Variants in TAFA1 observed in about 807,000 individuals in gnomAD.
TAFA1 encodes TAFA chemokine like family member 1, also known as chemokine-like protein TAFA-1.
TAFA1 carries 4 observed loss-of-function variants against 18.5 expected under a neutral mutation model. The observed-to-expected ratio is 0.22, with a 90% CI of 0.11 to 0.49. The LOEUF (loss-of-function observed/expected upper bound fraction) is 0.49. Among genes scored for constraint, TAFA1 ranks in the 20% least tolerant of loss-of-function variants. The pLI is 0.98. For missense variants in TAFA1, 147 were observed against 169.0 expected (o/e 0.87, Z 0.72); for synonymous variants, 56 against 55.2 (o/e 1.01, Z -0.06).
At chr3:68,380,021 G>C (rs1489738674) in intron 2 of TAFA1, among the ~76,000 whole-genome samples, 3 of 151,804 alleles carry the variant, frequency 2.0e-5, no homozygotes, top group African/African-American at 7.3e-5. Flanking sequence ...GCGGTGTTTG[G>C]TTTTTCGTCC....
At chr3:68,394,056 A>G (rs1322988069) in intron 2 of TAFA1, among the ~76,000 whole-genome samples, 2 of 151,962 alleles carry the variant, frequency 1.3e-5, no homozygotes, top group African/African-American at 4.8e-5. Flanking sequence ...AGAAAACCAC[A>G]TCGTCTCAAT....
chr3:68,211,610 T>G (rs111801036), intron 2 of TAFA1, among the ~76,000 whole-genome samples: 19,792 of 152,020 alleles, frequency 0.13, 1,462 homozygotes, highest in African/African-American at 0.2. Flanking sequence ...TACTTGAGAC[T>G]GGGTAATTTA....
intron 2 of TAFA1, among the ~76,000 whole-genome samples, chr3:68,266,184 C>G (rs752454905): frequency 6.6e-6 from 1 of 152,144 alleles, no homozygotes; most frequent in Non-Finnish European, 1.5e-5. Context: ...TCATCTTTCT[C>G]ATGTAGCGCG....
chr3:68,449,212 G>A (rs770414916), intron 3 of TAFA1, among the ~76,000 whole-genome samples: 8 of 152,192 alleles, frequency 5.3e-5, no homozygotes, highest in Non-Finnish European at 1.5e-5. Flanking sequence ...TGAGGGTTGA[G>A]TAGGAATTAG....
chr3:68,000,217 A>G (rs1213233705), upstream of TAFA1, among the ~76,000 whole-genome samples: 1 of 152,220 alleles, frequency 6.6e-6, no homozygotes, highest in African/African-American at 2.4e-5. Flanking sequence ...ACTATATGCC[A>G]GGCAGTATGT....
intron 2 of TAFA1, among the ~76,000 whole-genome samples, chr3:68,346,461 C>G (rs2069165354): frequency 6.6e-6 from 1 of 152,118 alleles, no homozygotes; most frequent in Admixed American, 6.6e-5. Context: ...TATTCAGGAG[C>G]AGATGTGCTT....
chr3:68,174,736 C>T (rs113385189), intron 2 of TAFA1, among the ~76,000 whole-genome samples: 10,553 of 152,072 alleles, frequency 0.069, 1,171 homozygotes, highest in African/African-American at 0.24. Context: ...CCTAACAATG[C>T]GATAGAAAAG....
chr3:68,395,138 TA>T (rs2070349006), intron 2 of TAFA1, among the ~76,000 whole-genome samples: 1 of 151,802 alleles, frequency 6.6e-6, no homozygotes, highest in South Asian at 2.1e-4. Flanking sequence ...CCAAAGGATA[TA>T]AACAAACACT....
intron 3 of TAFA1, among the ~76,000 whole-genome samples, chr3:68,441,487 C>T (rs1014911092): frequency 1.3e-5 from 2 of 152,136 alleles, no homozygotes; most frequent in African/African-American, 2.4e-5. Context: ...GGAAACTGAA[C>T]GTTTAACTAT....
intron 2 of TAFA1, among the ~76,000 whole-genome samples, chr3:68,250,023 G>A (rs535617403): frequency 2.0e-5 from 3 of 152,238 alleles, no homozygotes; most frequent in South Asian, 2.1e-4. Context: ...TCTCCCAAAC[G>A]TATATTGAGA....
At chr3:68,256,742 G>T (rs10440086) in intron 2 of TAFA1, among the ~76,000 whole-genome samples, 1 of 151,816 alleles carries the variant, frequency 6.6e-6, no homozygotes, top group African/African-American at 2.4e-5. Context: ...ATATAAATCA[G>T]TCAGGTAATT....
intron 2 of TAFA1, among the ~76,000 whole-genome samples, chr3:68,416,467 C>T (rs1416150654): frequency 6.6e-6 from 1 of 152,128 alleles, no homozygotes; most frequent in African/African-American, 2.4e-5. Flanking sequence ...AAGTTGATTC[C>T]TGGTTTCTGG....
At chr3:68,265,541 G>C (rs1196014621) in intron 2 of TAFA1, among the ~76,000 whole-genome samples, 1 of 152,190 alleles carries the variant, frequency 6.6e-6, no homozygotes, top group African/African-American at 2.4e-5. Flanking sequence ...GCTTCAGAAA[G>C]ATGTTTTGAT....
At chr3:68,483,162 A>G (rs1460089918) in intron 3 of TAFA1, among the ~76,000 whole-genome samples, 1 of 152,194 alleles carries the variant, frequency 6.6e-6, no homozygotes, top group Non-Finnish European at 1.5e-5. Context: ...GGGAGTAAGG[A>G]AGTAACCCAG....
rs149087294 is a variant in TAFA1, at chr3:68,270,809, T to C, written c.119-146471T>C. Among the ~76,000 whole-genome samples the C allele has an allele frequency of 4.4e-3, 671 of 152,250 alleles. 8 individuals carry two copies. Among genetic ancestry groups the C allele is most frequent in the African/African-American group, 0.015 (625 of 41,560 alleles). On this transcript the variant is annotated intron_variant, in intron 2 of 4. Coordinates refer to ENST00000478136, the MANE Select transcript of TAFA1 (RefSeq NM_213609.4). ...TTATGGATTAAACAGAAGACAAAAA[T>C]CAAGCCTCAATTTAAAGTTTATTAA...
chr3:68,194,505 A>G (rs1322983655), intron 2 of TAFA1, among the ~76,000 whole-genome samples: 2 of 151,800 alleles, frequency 1.3e-5, no homozygotes, highest in African/African-American at 4.8e-5. Context: ...TTGCTATGCA[A>G]TCGTTATGAA....
intron 2 of TAFA1, among the ~76,000 whole-genome samples, chr3:68,415,922 G>A (rs188373605): frequency 2.0e-5 from 3 of 152,244 alleles, no homozygotes; most frequent in African/African-American, 4.8e-5. Context: ...AGACTCTTGC[G>A]TTTCTTTCAT....
chr3:68,539,665 C>CTG (rs1019011710), intron 4 of TAFA1, among the ~76,000 whole-genome samples: 969 of 26,086 alleles, frequency 0.037, 66 homozygotes, highest in Admixed American at 0.17. Context: ...TTGTCTCTCT[C>CTG]TGTGTGTGTG....
intron 2 of TAFA1, among the ~76,000 whole-genome samples, chr3:68,313,345 T>C (rs189491581): frequency 6.6e-6 from 1 of 152,314 alleles, no homozygotes; most frequent in Non-Finnish European, 1.5e-5. Context: ...TCATGGGCTA[T>C]TTTTTGTCGT....
Sources: gnomAD v4.1 joint callset for allele counts (sites outside exome capture counted in the v4.1 genomes callset) on GRCh38, gnomAD v4.1.1 for gene constraint, MANE v1.5 for transcripts, NCBI Gene and HGNC (gene_info 2026-07-23, HGNC 2026-07-21) for gene names.